RASA2: variants seen among roughly 807,000 people sequenced by gnomAD.
RASA2 encodes the protein ras GTPase-activating protein 2.
In RASA2, 155 loss-of-function variants were observed where a neutral mutation model predicts 118.2. That is an observed-to-expected ratio of 1.31 (90% CI 1.15 to 1.50). RASA2 has a LOEUF of 1.50. Among genes scored for constraint, RASA2 ranks in the 40% most tolerant of loss-of-function variants. The probability of loss-of-function intolerance (pLI) is 0.00; values close to 1 mark genes in which losing one functional copy is unlikely to be tolerated. For synonymous variants in RASA2, 353 were observed against 349.1 expected (o/e 1.01, Z -0.12); for missense variants, 1,016 against 1,009.6 (o/e 1.01, Z -0.09).
intron 19 of RASA2, among the ~76,000 whole-genome samples, chr3:141,606,351 CT>C (rs1407176731): frequency 6.6e-6 from 1 of 152,182 alleles, no homozygotes; most frequent in Non-Finnish European, 1.5e-5. Context: ...TATTTGTTAA[CT>C]GTAAATGTCA....
At chr3:141,518,482 C>CAAAAAAAAAAAA (rs777543417) in intron 3 of RASA2, among the ~76,000 whole-genome samples, 6 of 27,046 alleles carry the variant, frequency 2.2e-4, no homozygotes, top group African/African-American at 5.3e-4. Flanking sequence ...GACACCATCT[C>CAAAAAAAAAAAA]AAAAAAAAAA....
intron 9 of RASA2, among the ~76,000 whole-genome samples, chr3:141,561,262 A>G (rs2082725917): frequency 6.6e-6 from 1 of 152,166 alleles, no homozygotes; most frequent in Non-Finnish European, 1.5e-5. Flanking sequence ...AGTACAGAAG[A>G]GAAAAACACG....
intron 2 of RASA2, among the ~76,000 whole-genome samples, chr3:141,513,079 A>C (rs965346484): frequency 1.4e-5 from 2 of 147,756 alleles, no homozygotes; most frequent in African/African-American, 5.1e-5. Flanking sequence ...AAAAAAAAAA[A>C]ACAAAAAAAC....
At chr3:141,610,688 G>A (rs547149190) in intron 23 of RASA2, among the ~76,000 whole-genome samples, 1 of 151,094 alleles carries the variant, frequency 6.6e-6, no homozygotes, top group Admixed American at 6.6e-5. Context: ...ACAGGGTCTC[G>A]CTATGTTGCC....
chr3:141,540,008 C>T (rs1344314767), intron 4 of RASA2, among the ~76,000 whole-genome samples: 3 of 152,142 alleles, frequency 2.0e-5, no homozygotes, highest in Non-Finnish European at 4.4e-5. Context: ...TTCCTACCCA[C>T]TCCCACAGTG....
intron 1 of RASA2, among the ~76,000 whole-genome samples, chr3:141,500,961 A>G (rs2081769696): frequency 6.6e-6 from 1 of 152,210 alleles, no homozygotes; most frequent in African/African-American, 2.4e-5. Context: ...CAGACCAGGT[A>G]TAATGCAGTA....
intron 4 of RASA2, among the ~76,000 whole-genome samples, chr3:141,530,423 C>A (rs2082243991): frequency 1.3e-5 from 2 of 152,012 alleles, no homozygotes; most frequent in African/African-American, 4.8e-5. Flanking sequence ...TTTAGAAAAT[C>A]TGAGTTGCTC....
Position 141,573,232 on chromosome 3 carries a change from G to A in RASA2, c.1359+11G>A. ...GTAGAAAATAATAAGGTAAGTCCTTGTTATATTATTTATAATTGCATTAAA... is the reference window on the plus strand; with the variant it reads ...GTAGAAAATAATAAGGTAAGTCCTTATTATATTATTTATAATTGCATTAAA... On this transcript the variant is annotated intron_variant, in intron 13 of 23. Transcript: ENST00000286364. 6.5e-7 allele frequency: 1 copy of A among 1,534,186 alleles called. No individual in the cohort carries two copies. Among genetic ancestry groups the A allele is most frequent in the South Asian group, 1.3e-5 (1 of 79,286 alleles).
At chr3:141,512,319 A>G (rs1335223852) in intron 2 of RASA2, 39 bp downstream of exon 2, 1 of 1,315,752 alleles carries the variant, frequency 7.6e-7, no homozygotes, top group Admixed American at 2.2e-5. Flanking sequence ...TTTTTACTAT[A>G]TAGATTGGTA....
intron 15 of RASA2, among the ~76,000 whole-genome samples, chr3:141,579,103 C>T (rs1577776302): frequency 6.6e-6 from 1 of 152,046 alleles, no homozygotes; most frequent in African/African-American, 2.4e-5. Context: ...CATTCATTGC[C>T]TGTTTTCAAT....
intron 19 of RASA2, among the ~76,000 whole-genome samples, chr3:141,605,505 A>C (rs539375518): frequency 3.9e-5 from 6 of 152,122 alleles, no homozygotes; most frequent in Non-Finnish European, 1.5e-5. Context: ...CTGTGTTACA[A>C]TTTGTCCAGA....
chr3:141,495,025 G>T (rs1272095951), intron 1 of RASA2, among the ~76,000 whole-genome samples: 1 of 152,202 alleles, frequency 6.6e-6, no homozygotes, highest in Non-Finnish European at 1.5e-5. Context: ...GGAAAGGTAA[G>T]TGAAGACTTA....
intron 19 of RASA2, among the ~76,000 whole-genome samples, chr3:141,599,075 G>A (rs573696563): frequency 2.2e-4 from 33 of 152,092 alleles, no homozygotes; most frequent in African/African-American, 6.7e-4. Context: ...GCGACAGAGC[G>A]AGACTCTGTC....
rs985276538 is a variant in RASA2 at position 141,570,086 on chromosome 3, G to C, written c.864-826G>C. Among the ~76,000 whole-genome samples the C allele has an allele frequency of 3.3e-3, 456 of 137,764 alleles. 2 individuals are homozygous for C. Among genetic ancestry groups the C allele is most frequent in the African/African-American group, 0.012 (430 of 34,798 alleles). 90.4% of individuals were successfully genotyped at this position (137,764 alleles called of 152,430 possible). A position where few individuals can be genotyped will look rare whatever the true frequency, so the allele number is the denominator to read the frequency against. On this transcript the variant is annotated intron_variant, in intron 9 of 23. Coordinates refer to ENST00000286364, the MANE Select transcript of RASA2 (RefSeq NM_006506.5). ...TGTTTTTAAATTCCCATGATAAAAA[G>C]CTTTTTTTTTTTTTTTTTAAACTCT...
At chr3:141,576,544 T>C (rs2083014890) in intron 14 of RASA2, among the ~76,000 whole-genome samples, 1 of 152,230 alleles carries the variant, frequency 6.6e-6, no homozygotes, top group South Asian at 2.1e-4. Flanking sequence ...TAAACATTTC[T>C]GCCTAATTGT....
rs748796761 is a variant in RASA2, at chr3:141,608,498, G to C, written c.2026G>C (p.Val676Leu). The C allele has an allele frequency of 6.2e-7, 1 of 1,613,614 alleles. No homozygotes were observed. The highest frequency in any genetic ancestry group is 8.5e-7 in the Non-Finnish European group (1 of 1,179,632). The change falls in exon 21 of 24, where the codon GTA becomes CTA. Residue 676 changes from valine (V) to leucine (L), a missense_variant. Physicochemically the swap from Val to Leu is conservative, Grantham distance 32 (BLOSUM62 1). Transcript: ENST00000286364. ...TTAATTGCCTATGAAGATGTTCCAA[G>C]TAATACATACGGAGAAACCACTCTA... is the stretch of plus-strand genomic sequence containing the variant. ...SSFNKKNMFQ[V>L]IHTEKPLYVQ... is the part of the protein sequence containing the mutation.
chr3:141,584,330 C>CAAAA (rs56396460), intron 17 of RASA2, among the ~76,000 whole-genome samples: 245 of 59,954 alleles, frequency 4.1e-3, no homozygotes, highest in Non-Finnish European at 5.6e-3. Context: ...AACTCCATCC[C>CAAAA]AAAAAAAAAA....
intron 3 of RASA2, among the ~76,000 whole-genome samples, chr3:141,526,298 C>G (rs1405506102): frequency 6.6e-6 from 1 of 152,072 alleles, no homozygotes; most frequent in Non-Finnish European, 1.5e-5. Context: ...TAATGCCTGC[C>G]AGTTTAGTGA....
In RASA2 at chr3:141,613,414, A is replaced by G. The variant is rs2083681938; in HGVS notation, c.*1101A>G. 1 of 152,088 alleles carries G rather than the reference A, an allele frequency of 6.6e-6. No homozygotes were observed. 9.4% of individuals were successfully genotyped at this position (152,088 alleles called of 1,614,324 possible). ...TAGCCAAATGGAATTTGGGCAAGCA[A>G]CTCTTTGAAGACTTTTTTACCCTAG... On this transcript the variant is annotated 3_prime_UTR_variant, in exon 24 of 24. Coordinates refer to ENST00000286364, the MANE Select transcript of RASA2 (RefSeq NM_006506.5).
Sources: allele counts gnomAD v4.1 joint callset (sites outside exome capture counted in the v4.1 genomes callset), GRCh38; gene constraint gnomAD v4.1.1; transcripts MANE v1.5; gene names NCBI Gene and HGNC (gene_info 2026-07-23, HGNC 2026-07-21).